CORIN: variants seen among roughly 807,000 people sequenced by gnomAD.
The protein encoded by CORIN is corin, serine peptidase.
CORIN carries 117 observed loss-of-function variants against 125.3 expected under a neutral mutation model. The observed-to-expected ratio is 0.93, with a 90% CI of 0.80 to 1.09. The LOEUF (loss-of-function observed/expected upper bound fraction) is 1.09, where lower values mean the gene tolerates loss of function less well. CORIN is among the 50% of genes least tolerant of loss of function. CORIN has a pLI of 0.00. For synonymous variants in CORIN, 450 were observed against 466.4 expected, an observed-to-expected ratio of 0.96 and a Z score of 0.45; for missense variants, 1,253 against 1,306.7, an observed-to-expected ratio of 0.96 and a Z score of 0.63.
intron 1 of CORIN, among the ~76,000 whole-genome samples, chr4:47,814,041 A>T (rs1343179859): frequency 1.3e-5 from 2 of 149,316 alleles, no homozygotes; most frequent in African/African-American, 2.4e-5. Flanking sequence ...AAACAACTAA[A>T]AAGAAAAAAA....
chr4:47,772,949 A>G (rs370571118), intron 3 of CORIN, among the ~76,000 whole-genome samples: 2 of 152,314 alleles, frequency 1.3e-5, no homozygotes, highest in East Asian at 1.9e-4. Context: ...TCATTTATAT[A>G]GGAACAAAAT....
At chr4:47,640,856 CAA>C (rs1723206380) in intron 16 of CORIN, among the ~76,000 whole-genome samples, 1 of 152,102 alleles carries the variant, frequency 6.6e-6, no homozygotes, top group Non-Finnish European at 1.5e-5. Flanking sequence ...TAACCATATT[CAA>C]AAGATTTTTC....
At chr4:47,782,262 G>C (rs1228144811) in intron 3 of CORIN, among the ~76,000 whole-genome samples, 1 of 151,840 alleles carries the variant, frequency 6.6e-6, no homozygotes, top group African/African-American at 2.4e-5. Context: ...GCGTGTGCTT[G>C]TAATCCCAGC....
At chr4:47,740,126 CAT>C (rs1728319807) in intron 5 of CORIN, among the ~76,000 whole-genome samples, 2 of 151,844 alleles carry the variant, frequency 1.3e-5, no homozygotes, top group South Asian at 2.1e-4. Context: ...AGATTTGTCT[CAT>C]AGATAAAAAT....
In CORIN at chr4:47,594,185, T is replaced by C. The variant is rs1292395165; in HGVS notation, c.*1536A>G. The C allele has an allele frequency of 6.6e-6, 1 of 152,370 alleles. No homozygotes were observed. Among genetic ancestry groups the C allele is most frequent in the Non-Finnish European group, 1.5e-5 (1 of 68,010 alleles). 9.4% of individuals were successfully genotyped at this position (152,370 alleles called of 1,614,324 possible). On this transcript the variant is annotated 3_prime_UTR_variant, in exon 22 of 22. Coordinates refer to ENST00000273857, the MANE Select transcript of CORIN (RefSeq NM_006587.4). ...GTGACCACAATTCAGTTGCTGGATTTCACACTCTCCTTAGGTTTATACAAA... is the reference window on the plus strand; with the variant it reads ...GTGACCACAATTCAGTTGCTGGATTCCACACTCTCCTTAGGTTTATACAAA...
intron 5 of CORIN, among the ~76,000 whole-genome samples, chr4:47,728,413 G>GA (rs201022831): frequency 1.8e-4 from 28 of 151,764 alleles, no homozygotes; most frequent in African/African-American, 4.6e-4. Flanking sequence ...CTATGTGAAA[G>GA]AAAAAAAACC....
At chr4:47,715,605 A>G (rs1727052767) in intron 5 of CORIN, among the ~76,000 whole-genome samples, 4 of 152,188 alleles carry the variant, frequency 2.6e-5, no homozygotes. Flanking sequence ...TCTCCAAAAA[A>G]AAAGGGGGGG....
At chr4:47,618,728 A>G (rs1722183062) in intron 19 of CORIN, among the ~76,000 whole-genome samples, 1 of 151,980 alleles carries the variant, frequency 6.6e-6, no homozygotes, top group Admixed American at 6.6e-5. Context: ...CTGAGGCAGG[A>G]GAATGGCATG....
chr4:47,608,755 T>A lies in CORIN; in HGVS notation c.2541-5087A>T, dbSNP rs765060029. Reference sequence around the variant, plus strand: ...TAGAGAAAAACAAAAACTCAGCCACTTACATATGTCAGACACACTATAGCA... The same window carrying A: ...TAGAGAAAAACAAAAACTCAGCCACATACATATGTCAGACACACTATAGCA... On this transcript the variant is annotated intron_variant, in intron 19 of 21. Transcript: ENST00000273857. 4.9e-4 allele frequency among the ~76,000 whole-genome samples: 75 copies of A among 152,200 alleles called. 1 individual carries two copies. The highest frequency in any genetic ancestry group is 1.0e-4 in the Non-Finnish European group (7 of 68,036).
At chr4:47,659,264 C>T (rs1380445875) in intron 12 of CORIN, among the ~76,000 whole-genome samples, 1 of 152,224 alleles carries the variant, frequency 6.6e-6, no homozygotes, top group East Asian at 1.9e-4. Flanking sequence ...TCTCCAAACT[C>T]TTCCAACCCC....
At chr4:47,673,224 A>T (rs990801593) in intron 10 of CORIN, among the ~76,000 whole-genome samples, 9 of 130,040 alleles carry the variant, frequency 6.9e-5, no homozygotes, top group Non-Finnish European at 1.1e-4. Context: ...ATAAATAAAT[A>T]AATTAGCTGG....
chr4:47,645,351 G>T (rs1390383180), intron 13 of CORIN, among the ~76,000 whole-genome samples, 157 bp from the exon 14 acceptor site: 1 of 139,992 alleles, frequency 7.1e-6, no homozygotes, highest in Non-Finnish European at 1.6e-5. Context: ...TGAGGTGGGC[G>T]GATCACAAGG....
At chr4:47,642,652 A>G (rs940889269) in intron 15 of CORIN, among the ~76,000 whole-genome samples, 27 of 152,210 alleles carry the variant, frequency 1.8e-4, no homozygotes, top group African/African-American at 6.0e-4. Flanking sequence ...TGAGGAAATT[A>G]ATCAAACTCA....
At chr4:47,658,745 G>T (rs1220371644) in intron 12 of CORIN, among the ~76,000 whole-genome samples, 1 of 152,170 alleles carries the variant, frequency 6.6e-6, no homozygotes, top group Non-Finnish European at 1.5e-5. Flanking sequence ...CATTGTCTTA[G>T]CTCTTTGCTC....
At chr4:47,720,852 C>T (rs17654441) in intron 5 of CORIN, among the ~76,000 whole-genome samples, 1 of 152,034 alleles carries the variant, frequency 6.6e-6, no homozygotes, top group African/African-American at 2.4e-5. Context: ...ACAGTGAAGT[C>T]CTAGGTCTTT....
At chr4:47,641,081 T>C (rs1723213057) in intron 16 of CORIN, among the ~76,000 whole-genome samples, 1 of 152,210 alleles carries the variant, frequency 6.6e-6, no homozygotes, top group Non-Finnish European at 1.5e-5. Flanking sequence ...GGGAGCTGCA[T>C]ATTAGTAATT....
intron 5 of CORIN, among the ~76,000 whole-genome samples, chr4:47,725,353 T>C (rs891441250): frequency 2.0e-5 from 3 of 152,100 alleles, no homozygotes; most frequent in African/African-American, 7.2e-5. Flanking sequence ...GAAAAACTCA[T>C]ACTATTCTTT....
At chr4:47,626,986 TGTTGTTG>T (rs1263409446) in intron 16 of CORIN, among the ~76,000 whole-genome samples, 2 of 124,462 alleles carry the variant, frequency 1.6e-5, no homozygotes, top group East Asian at 6.0e-4. Context: ...TTGTTGTTGT[TGTTGTTG>T]TTTTTTTTTT....
chr4:47,746,639 ATTCTCCTGC>A (rs1728677503), intron 4 of CORIN, among the ~76,000 whole-genome samples: 1 of 151,452 alleles, frequency 6.6e-6, no homozygotes. Context: ...GTTTCAAGCG[ATTCTCCTGC>A]CACAGCTTCC....
Sources: gnomAD v4.1 joint callset for allele counts (sites outside exome capture counted in the v4.1 genomes callset) on GRCh38, gnomAD v4.1.1 for gene constraint, MANE v1.5 for transcripts, NCBI Gene and HGNC (gene_info 2026-07-23, HGNC 2026-07-21) for gene names.